RAB2A: variants seen among roughly 807,000 people sequenced by gnomAD.
RAB2A encodes RAB2A, member RAS oncogene family.
Under a neutral mutation model 32.5 loss-of-function variants are expected in RAB2A, and 7 were observed. The ratio of observed to expected loss-of-function variants is 0.22; its 90% CI spans 0.12 to 0.40. The LOEUF is 0.40. RAB2A is among the 10% of genes least tolerant of loss of function. RAB2A has a pLI of 1.00. For missense variants in RAB2A, 108 were observed against 260.7 expected, an observed-to-expected ratio of 0.41 and a Z score of 4.03; for synonymous variants, 79 against 85.2, an observed-to-expected ratio of 0.93 and a Z score of 0.40.
intron 6 of RAB2A, among the ~76,000 whole-genome samples, chr8:60,594,346 G>A (rs190408974): frequency 3.3e-5 from 5 of 152,132 alleles, no homozygotes; most frequent in Middle Eastern, 3.4e-3. Flanking sequence ...ATTTCTGAAC[G>A]TGAAAGACAG....
chr8:60,608,282 G>C (rs1204162931), intron 6 of RAB2A, among the ~76,000 whole-genome samples: 4 of 152,096 alleles, frequency 2.6e-5, no homozygotes, highest in Non-Finnish European at 1.5e-5. Flanking sequence ...AATGATGACT[G>C]TATAGGCGCC....
At chr8:60,562,794 T>C (rs1808043877) in intron 2 of RAB2A, among the ~76,000 whole-genome samples, 1 of 152,160 alleles carries the variant, frequency 6.6e-6, no homozygotes, top group Non-Finnish European at 1.5e-5. Flanking sequence ...ACCCAGTTGC[T>C]CTTCCTCTGG....
chr8:60,531,950 G>A (rs971619068), intron 1 of RAB2A, among the ~76,000 whole-genome samples: 3 of 151,888 alleles, frequency 2.0e-5, no homozygotes, highest in African/African-American at 7.3e-5. Context: ...TTACAGGCGC[G>A]CACTGCCACG....
chr8:60,546,521 G>T (rs531440984), intron 1 of RAB2A, among the ~76,000 whole-genome samples: 192 of 152,304 alleles, frequency 1.3e-3, no homozygotes, highest in African/African-American at 4.4e-3. Flanking sequence ...TACTTCTCTA[G>T]CATTAAAGAA....
intron 4 of RAB2A, 48 bp downstream of exon 4, chr8:60,584,338 T>C (rs1426722767): frequency 1.6e-5 from 23 of 1,450,472 alleles, no homozygotes; most frequent in Non-Finnish European, 2.1e-5. Flanking sequence ...CAGAGAATTT[T>C]TCTAAATAGA....
chr8:60,555,190 C>T (rs1807916776), intron 1 of RAB2A, among the ~76,000 whole-genome samples: 1 of 152,144 alleles, frequency 6.6e-6, no homozygotes, highest in Admixed American at 6.5e-5. Flanking sequence ...TGTCTCTCAC[C>T]ATATAGAAAA....
chr8:60,588,174 T>C (rs11778315), intron 5 of RAB2A, among the ~76,000 whole-genome samples: 15,225 of 152,130 alleles, frequency 0.1, 1,015 homozygotes, highest in Middle Eastern at 0.18. Flanking sequence ...TCCCAGCTAC[T>C]CCAGAGGCTG....
chr8:60,598,951 A>G (rs944749698), intron 6 of RAB2A, among the ~76,000 whole-genome samples: 9 of 148,342 alleles, frequency 6.1e-5, no homozygotes, highest in Admixed American at 1.3e-4. Flanking sequence ...AAAAAAAAAA[A>G]AAAAAAAAAA....
At chr8:60,532,268 G>A (rs1172035770) in intron 1 of RAB2A, among the ~76,000 whole-genome samples, 2 of 152,196 alleles carry the variant, frequency 1.3e-5, no homozygotes, top group Non-Finnish European at 2.9e-5. Flanking sequence ...TTTGGATAAA[G>A]TATTGTTAGT....
chr8:60,562,351 A>T (rs1808037219), intron 2 of RAB2A, among the ~76,000 whole-genome samples: 1 of 152,206 alleles, frequency 6.6e-6, no homozygotes, highest in Non-Finnish European at 1.5e-5. Context: ...AAGGCAAAGC[A>T]AATTTTATGG....
rs1803821057 is a variant in RAB2A, at chr8:60,584,717, GT to G, written c.270-3del. 1 of 1,598,706 alleles carries G rather than the reference GT, an allele frequency of 6.3e-7. No individual in the cohort carries two copies. Among genetic ancestry groups the G allele is most frequent in the Non-Finnish European group, 8.6e-7 (1 of 1,167,018 alleles). On this transcript the variant is annotated splice_region_variant and splice_polypyrimidine_tract_variant and intron_variant, in intron 4 of 7. Coordinates refer to ENST00000262646, the MANE Select transcript of RAB2A (RefSeq NM_002865.3). ...ACATAGTAATTAAATTATTATTTATGTTTAGGAGAGATACATTCAACCACTT... is the reference window on the plus strand; with the variant it reads ...ACATAGTAATTAAATTATTATTTATGTTAGGAGAGATACATTCAACCACTT...
intron 2 of RAB2A, among the ~76,000 whole-genome samples, chr8:60,569,410 T>C (rs1808163079): frequency 6.6e-6 from 1 of 152,252 alleles, no homozygotes; most frequent in Non-Finnish European, 1.5e-5. Flanking sequence ...TCTTGATGTT[T>C]ACTTAACAGG....
intron 5 of RAB2A, 77 bp from the exon 6 acceptor site, chr8:60,591,781 C>T (rs1803948734): frequency 4.5e-6 from 4 of 897,584 alleles, no homozygotes; most frequent in Non-Finnish European, 7.1e-6. Context: ...ACTTTGAATT[C>T]CATGGTACAC....
rs918493712 is a variant in RAB2A, at chr8:60,621,201, T to G, written c.*432T>G. 1 of 156,092 alleles carries G rather than the reference T, an allele frequency of 6.4e-6. No homozygotes were observed. Among genetic ancestry groups the G allele is most frequent in the African/African-American group, 2.4e-5 (1 of 41,504 alleles). The allele number at this position is 156,092 out of a possible 1,614,324, so 9.7% of individuals were successfully genotyped here. On this transcript the variant is annotated 3_prime_UTR_variant, in exon 8 of 8. Transcript: ENST00000262646. ...CGGCTATAAGGAAACAGAAGGACTC[T>G]TTTAATTCTGTATTTATCATTTACT...
At position 60,618,645 on chromosome 8, in the gene RAB2A, T is replaced by C. The variant is rs1443449705; in HGVS notation, c.540T>C (p.Asn180=). ...KIQEGVFDIN[N]EANGIKIGPQ... ...AAGAAGGAGTCTTTGACATTAATAA[T>C]GAGGTATATACATATAAATATTGTT... The change falls in exon 7 of 8, where the codon AAT becomes AAC. Residue 180 remains asparagine (N), a synonymous_variant. Coordinates refer to ENST00000262646, the MANE Select transcript of RAB2A (RefSeq NM_002865.3). 2 of 1,133,090 alleles carry C rather than the reference T, an allele frequency of 1.8e-6. No homozygotes were observed. Among genetic ancestry groups the C allele is most frequent in the South Asian group, 1.9e-5 (1 of 54,036 alleles). 70.2% of individuals were successfully genotyped at this position (1,133,090 alleles called of 1,614,324 possible).
intron 1 of RAB2A, among the ~76,000 whole-genome samples, chr8:60,536,837 A>G (rs1807565099): frequency 6.6e-6 from 1 of 152,190 alleles, no homozygotes; most frequent in African/African-American, 2.4e-5. Flanking sequence ...TGAGTGGCGC[A>G]GTGGGGGAAG....
chr8:60,612,771 A>G (rs1804373483), intron 6 of RAB2A, among the ~76,000 whole-genome samples: 1 of 152,210 alleles, frequency 6.6e-6, no homozygotes, highest in South Asian at 2.1e-4. Context: ...AAACACAGAG[A>G]AACTGTATGA....
At chr8:60,549,514 A>G (rs189561646) in intron 1 of RAB2A, among the ~76,000 whole-genome samples, 3 of 148,636 alleles carry the variant, frequency 2.0e-5, no homozygotes, top group African/African-American at 7.4e-5. Context: ...ATTGAAAACT[A>G]CTAATGGATA....
chr8:60,560,474 C>T (rs553510970), intron 2 of RAB2A, among the ~76,000 whole-genome samples: 2 of 152,306 alleles, frequency 1.3e-5, no homozygotes, highest in East Asian at 3.9e-4. Flanking sequence ...AGGCATGACT[C>T]ATTTCTAAGA....
Sources: gnomAD v4.1 joint callset for allele counts (sites outside exome capture counted in the v4.1 genomes callset) on GRCh38, gnomAD v4.1.1 for gene constraint, MANE v1.5 for transcripts, NCBI Gene and HGNC (gene_info 2026-07-23, HGNC 2026-07-21) for gene names.